SAMMSON: variants seen among roughly 807,000 people sequenced by gnomAD.
SAMMSON encodes long intergenic non-protein coding RNA 1212.
In SAMMSON at chr3:70,311,816, C is replaced by T. The variant is rs530611117; in HGVS notation, n.739+20573C>T. On this transcript the variant is annotated intron_variant and non_coding_transcript_variant, in intron 7 of 9. Coordinates refer to ENST00000642114, the Ensembl canonical transcript of SAMMSON. ...TCAGGACAATTTCCTCCTTCTCCCACACTATTCCTTGCTTATAAACAAAAG... is the reference window on the plus strand; with the variant it reads ...TCAGGACAATTTCCTCCTTCTCCCATACTATTCCTTGCTTATAAACAAAAG... 4.5e-4 allele frequency: 178 copies of T among 394,920 alleles called. 1 individual carries two copies. Among genetic ancestry groups the T allele is most frequent in the Non-Finnish European group, 6.9e-4 (155 of 224,002 alleles). The allele number at this position is 394,920 out of a possible 1,614,324, so 24.5% of individuals were successfully genotyped here.
intron 2 of SAMMSON, among the ~76,000 whole-genome samples, chr3:70,397,401 C>A (rs1273153566): frequency 1.1e-4 from 17 of 152,006 alleles, no homozygotes; most frequent in Non-Finnish European, 2.5e-4. Context: ...GGCTCCCAGG[C>A]CCAGGTGATC....
intron 3 of SAMMSON, among the ~76,000 whole-genome samples, chr3:70,043,591 A>G (rs907650796): frequency 6.6e-6 from 1 of 152,004 alleles, no homozygotes; most frequent in Non-Finnish European, 1.5e-5. Flanking sequence ...TCCACTGGGT[A>G]CCAGTAGTTT....
intron 4 of SAMMSON, among the ~76,000 whole-genome samples, chr3:70,223,133 A>G (rs1053617338): frequency 6.6e-6 from 1 of 152,254 alleles, no homozygotes; most frequent in Non-Finnish European, 1.5e-5. Flanking sequence ...GATGATTGTC[A>G]TTGTTCTATA....
At chr3:70,211,956 G>A (rs1701355661) in intron 4 of SAMMSON, among the ~76,000 whole-genome samples, 2 of 150,148 alleles carry the variant, frequency 1.3e-5, no homozygotes, top group Admixed American at 6.7e-5. Flanking sequence ...GACTGACCTA[G>A]CCCATCTCCA....
At chr3:70,077,994 T>C (rs1323704948) in intron 4 of SAMMSON, among the ~76,000 whole-genome samples, 1 of 152,226 alleles carries the variant, frequency 6.6e-6, no homozygotes, top group East Asian at 1.9e-4. Context: ...TGACCCCGTT[T>C]ATCCCTGCTG....
intron 4 of SAMMSON, among the ~76,000 whole-genome samples, chr3:70,180,361 A>G (rs1265299810): frequency 6.6e-6 from 1 of 152,124 alleles, no homozygotes; most frequent in Non-Finnish European, 1.5e-5. Flanking sequence ...AACAACAATA[A>G]TACAATTATA....
intron 4 of SAMMSON, chr3:70,095,848 A>G (rs1454969034): frequency 6.6e-6 from 1 of 152,190 alleles, no homozygotes; most frequent in East Asian, 1.9e-4. Flanking sequence ...GTGGGGTCCA[A>G]GAAAATAACT....
intron 3 of SAMMSON, among the ~76,000 whole-genome samples, chr3:70,062,787 G>A (rs77146995): frequency 3.0e-4 from 45 of 152,094 alleles, no homozygotes; most frequent in African/African-American, 8.9e-4. Context: ...AAAGTCAGTC[G>A]TCCTCATGTG....
At chr3:70,078,697 C>T (rs1402184457) in intron 4 of SAMMSON, among the ~76,000 whole-genome samples, 2 of 152,144 alleles carry the variant, frequency 1.3e-5, no homozygotes, top group Non-Finnish European at 2.9e-5. Flanking sequence ...CCCTGCAAAT[C>T]TGGTTCAGAT....
intron 4 of SAMMSON, among the ~76,000 whole-genome samples, chr3:70,083,931 G>GTGAA (rs2106642653): frequency 6.6e-6 from 1 of 152,272 alleles, no homozygotes; most frequent in South Asian, 2.1e-4. Flanking sequence ...GGTGGAATGA[G>GTGAA]TGAATGAATG....
chr3:70,285,271 T>C (rs1161442332), intron 6 of SAMMSON, among the ~76,000 whole-genome samples: 1 of 141,364 alleles, frequency 7.1e-6, no homozygotes, highest in East Asian at 2.2e-4. Flanking sequence ...TGTGTTCTCA[T>C]TGTTCAATTC....
chr3:70,106,862 C>G (rs1372547013), intron 4 of SAMMSON, among the ~76,000 whole-genome samples: 3 of 152,134 alleles, frequency 2.0e-5, no homozygotes, highest in African/African-American at 7.2e-5. Flanking sequence ...AATTAATCCC[C>G]AGTACTGCTG....
intron 4 of SAMMSON, among the ~76,000 whole-genome samples, chr3:70,219,140 A>G (rs1203339688): frequency 2.0e-5 from 3 of 152,198 alleles, no homozygotes; most frequent in Non-Finnish European, 4.4e-5. Flanking sequence ...AGTCCTTGAA[A>G]CAGCCTCTCC....
intron 3 of SAMMSON, among the ~76,000 whole-genome samples, chr3:70,054,791 A>G (rs2067161244): frequency 6.6e-6 from 1 of 152,058 alleles, no homozygotes; most frequent in Non-Finnish European, 1.5e-5. Flanking sequence ...TTCGGGACTA[A>G]TCTCAACAGG....
At chr3:70,373,816 A>G (rs1702989500) in intron 9 of SAMMSON, among the ~76,000 whole-genome samples, 1 of 152,054 alleles carries the variant, frequency 6.6e-6, no homozygotes, top group South Asian at 2.1e-4. Flanking sequence ...TCTTCTTTAT[A>G]TCTTATCTTT....
At chr3:70,237,979 C>CTTTTTTT (rs71672662) in intron 4 of SAMMSON, among the ~76,000 whole-genome samples, 901 of 48,890 alleles carry the variant, frequency 0.018, 271 homozygotes, top group African/African-American at 0.068. Flanking sequence ...TGAGTGGTAT[C>CTTTTTTT]TTTTTTTTTT....
At chr3:70,158,543 T>G (rs1200936497) in intron 4 of SAMMSON, among the ~76,000 whole-genome samples, 1 of 144,946 alleles carries the variant, frequency 6.9e-6, no homozygotes, top group African/African-American at 2.5e-5. Flanking sequence ...GGGTGGACAC[T>G]TTTTTTTTTT....
At chr3:70,209,472 C>A (rs1701321416) in intron 4 of SAMMSON, among the ~76,000 whole-genome samples, 2 of 151,992 alleles carry the variant, frequency 1.3e-5, no homozygotes, top group Admixed American at 6.6e-5. Flanking sequence ...CACAAAGAGT[C>A]TAGGAGGTAG....
intron 9 of SAMMSON, among the ~76,000 whole-genome samples, chr3:70,365,970 CTTTTTTTTTT>C (rs1193657961): frequency 1.1e-4 from 3 of 27,766 alleles, no homozygotes; most frequent in Non-Finnish European, 2.2e-4. Context: ...TTTACCTTTT[CTTTTTTTTTT>C]TTTTTTTTTT....
Sources: gnomAD v4.1 joint callset for allele counts (sites outside exome capture counted in the v4.1 genomes callset) on GRCh38, gnomAD v4.1.1 for gene constraint, MANE v1.5 for transcripts, NCBI Gene and HGNC (gene_info 2026-07-23, HGNC 2026-07-21) for gene names.